Variants in NCOA5 observed in about 807,000 individuals in gnomAD.
NCOA5 encodes the protein nuclear receptor coactivator 5.
NCOA5 carries 12 observed loss-of-function variants against 59.0 expected under a neutral mutation model. That is an observed-to-expected ratio of 0.20 (90% CI 0.13 to 0.33). NCOA5 has a LOEUF of 0.33. Among genes scored for constraint, NCOA5 ranks in the 10% least tolerant of loss-of-function variants. The pLI is 1.00. For missense variants in NCOA5, 655 were observed against 766.6 expected, an observed-to-expected ratio of 0.85 and a Z score of 1.72; for synonymous variants, 270 against 275.5, an observed-to-expected ratio of 0.98 and a Z score of 0.20.
At chr20:46,064,950 C>T in intron 6 of NCOA5, 79 bp downstream of exon 6, 2 of 1,490,226 alleles carry the variant, frequency 1.3e-6, no homozygotes, top group South Asian at 1.1e-5. Context: ...AGTCATTTGC[C>T]CAAAACCTGC....
At chr20:46,084,014 A>C (rs2085020592) in intron 1 of NCOA5, among the ~76,000 whole-genome samples, 1 of 152,196 alleles carries the variant, frequency 6.6e-6, no homozygotes, top group Admixed American at 6.5e-5. Context: ...TAAAATAATT[A>C]TTACATCTTT....
At position 46,062,455 on chromosome 20, in the gene NCOA5, A is replaced by C. The variant is rs2084776824; in HGVS notation, c.1585T>G (p.Ser529Ala). ...TTGTCAAAGTTGATACCTGTGGAAG[A>C]CACAGGCCTCTGGCTAGTCATGTTG... is the stretch of plus-strand genomic sequence containing the variant. Reference protein sequence around the residue: ...ASNMTSQRPVSSTGINFDNPS... With the variant: ...ASNMTSQRPVASTGINFDNPS... The change falls in exon 8 of 8, where the codon TCT (serine) becomes GCT (alanine). Residue 529 changes from serine to alanine, a missense_variant. Around this residue, in one of 3 missense-constraint regions of NCOA5, gnomAD observed 325 missense variants for 353.2 expected, o/e 0.92. Coordinates refer to ENST00000290231, the MANE Select transcript of NCOA5 (RefSeq NM_020967.3). 2 of 1,613,984 alleles carry C rather than the reference A, an allele frequency of 1.2e-6. No homozygotes were observed. Among genetic ancestry groups the C allele is most frequent in the Admixed American group, 3.3e-5 (2 of 59,996 alleles).
At chr20:46,079,503 G>A (rs957074120) in intron 1 of NCOA5, 50 bp from the exon 2 acceptor site, 11 of 1,404,786 alleles carry the variant, frequency 7.8e-6, no homozygotes, top group Admixed American at 1.7e-5. Context: ...ATAAAAACAA[G>A]ATCATCAGCA....
chr20:46,071,356 T>C (rs548733055), intron 2 of NCOA5, among the ~76,000 whole-genome samples: 16 of 152,318 alleles, frequency 1.1e-4, no homozygotes, highest in African/African-American at 3.8e-4. Flanking sequence ...TCTTTCCACT[T>C]ATCAAGTTTT....
rs768053043 is a variant in NCOA5 at position 46,062,628 on chromosome 20, C to T, written c.1412G>A (p.Ser471Asn). 1.9e-6 allele frequency: 3 copies of T among 1,614,102 alleles called. No homozygotes were observed. Among genetic ancestry groups the T allele is most frequent in the African/African-American group, 2.7e-5 (2 of 74,928 alleles). The change falls in exon 8 of 8, where the codon AGC becomes AAC. Residue 471 changes from serine (S) to asparagine (N), a missense_variant. Physicochemically the swap from Ser to Asn is conservative, Grantham distance 46 (BLOSUM62 1). This residue lies in a region of NCOA5 where 325 missense variants were observed against 353.2 expected (regional missense o/e 0.92). Coordinates refer to ENST00000290231, the MANE Select transcript of NCOA5 (RefSeq NM_020967.3). ...PNQNFSTAANSQPQQRSQASG... is the reference protein window; with the variant it reads ...PNQNFSTAANNQPQQRSQASG... Reference sequence around the variant, plus strand: ...AGCCTGTGATCTTTGTTGAGGCTGGCTGTTTGCTGCTGTGGAAAAATTCTG... The same window carrying T: ...AGCCTGTGATCTTTGTTGAGGCTGGTTGTTTGCTGCTGTGGAAAAATTCTG...
intron 2 of NCOA5, among the ~76,000 whole-genome samples, chr20:46,074,707 G>A (rs2084918416): frequency 6.6e-6 from 1 of 152,176 alleles, no homozygotes; most frequent in South Asian, 2.1e-4. Context: ...CTCTTCCTGA[G>A]GACTAAAGGG....
chr20:46,070,992 T>G (rs1408259015), intron 2 of NCOA5, among the ~76,000 whole-genome samples: 1 of 152,032 alleles, frequency 6.6e-6, no homozygotes, highest in African/African-American at 2.4e-5. Context: ...GGCAGGATAA[T>G]AAAATTAAGG....
chr20:46,089,620 G>C (rs557761982), intron 1 of NCOA5, among the ~76,000 whole-genome samples, 197 bp downstream of exon 1: 18 of 151,926 alleles, frequency 1.2e-4, no homozygotes, highest in East Asian at 3.9e-4. Flanking sequence ...CCGGGCCTGG[G>C]CCTGACGGGA....
In NCOA5 at chr20:46,062,026, T is replaced by TTGG; in HGVS notation, c.*273_*274insCCA. On this transcript the variant is annotated 3_prime_UTR_variant, in exon 8 of 8. Transcript: ENST00000290231. The stretch of plus-strand genomic sequence containing the variant: ...AGAAACAGGGACCGGAGAAACCCCA[T>TTGG]CAAATACAAGCCCAGACACCTGTAC... The TTGG allele has an allele frequency of 3.6e-6, 1 of 278,992 alleles. No individual in the cohort carries two copies. Among genetic ancestry groups the TTGG allele is most frequent in the Non-Finnish European group, 6.8e-6 (1 of 148,104 alleles). The allele number at this position is 278,992 out of a possible 1,614,324, so 17.3% of individuals were successfully genotyped here. A position where few individuals can be genotyped will look rare whatever the true frequency, so the allele number is the denominator to read the frequency against.
intron 6 of NCOA5, 61 bp downstream of exon 6, chr20:46,064,968 G>A (rs1221331810): frequency 6.4e-7 from 1 of 1,565,302 alleles, no homozygotes; most frequent in Non-Finnish European, 8.8e-7. Flanking sequence ...TGCTTCTTCT[G>A]AGTAAGGCAT....
chr20:46,070,607 A>G, intron 2 of NCOA5, 71 bp from the exon 3 acceptor site: 1 of 1,427,724 alleles, frequency 7.0e-7, no homozygotes, highest in African/African-American at 1.4e-5. Context: ...TCTTCATATG[A>G]GAAAACCCCC....
chr20:46,066,811 T>C (rs1353144107), intron 5 of NCOA5, among the ~76,000 whole-genome samples: 1 of 152,222 alleles, frequency 6.6e-6, no homozygotes, highest in Non-Finnish European at 1.5e-5. Flanking sequence ...TTTGATGACA[T>C]GGTTTGATCC....
At position 46,061,893 on chromosome 20, in the gene NCOA5, T is replaced by A. The variant is rs752755102; in HGVS notation, c.*407A>T. ...AGGAGCTTGAGCTCTGGTCAATGTGTATGAAGCTGGAAAGCCTTGGTAGGT... is the reference window on the plus strand; with the variant it reads ...AGGAGCTTGAGCTCTGGTCAATGTGAATGAAGCTGGAAAGCCTTGGTAGGT... On this transcript the variant is annotated 3_prime_UTR_variant, in exon 8 of 8. Transcript: ENST00000290231. 1 of 163,462 alleles carries A rather than the reference T, an allele frequency of 6.1e-6. No homozygotes were observed. The highest frequency in any genetic ancestry group is 1.6e-4 in the South Asian group (1 of 6,184). 10.1% of individuals were successfully genotyped at this position (163,462 alleles called of 1,614,324 possible). A position where few individuals can be genotyped will look rare whatever the true frequency, so the allele number is the denominator to read the frequency against.
rs2084758471 is a variant in NCOA5 at position 46,061,286 on chromosome 20, G to A, written c.*1014C>T. 6.6e-6 allele frequency: 1 copy of A among 152,648 alleles called. No individual in the cohort carries two copies. 9.5% of individuals were successfully genotyped at this position (152,648 alleles called of 1,614,324 possible). ...GGGGCTCCATTTAGAACCACAGCCA[G>A]AAACCCTCCTTCTAACAATTTCACT... On this transcript the variant is annotated 3_prime_UTR_variant, in exon 8 of 8. Coordinates refer to ENST00000290231, the MANE Select transcript of NCOA5 (RefSeq NM_020967.3).
chr20:46,063,244 G>T, intron 7 of NCOA5, 116 bp downstream of exon 7: 2 of 1,031,396 alleles, frequency 1.9e-6, no homozygotes, highest in Non-Finnish European at 1.4e-6. Context: ...CCAAGGGATG[G>T]ACTTAGTTCC....
At chr20:46,063,118 C>T (rs1455041793) in intron 7 of NCOA5, among the ~76,000 whole-genome samples, 1 of 152,180 alleles carries the variant, frequency 6.6e-6, no homozygotes, top group Non-Finnish European at 1.5e-5. Context: ...ATCCTGGCTA[C>T]CACGGAGCCA....
chr20:46,080,528 T>TA (rs1166604646), intron 1 of NCOA5, among the ~76,000 whole-genome samples: 2 of 152,164 alleles, frequency 1.3e-5, no homozygotes, highest in Non-Finnish European at 2.9e-5. Flanking sequence ...TTATGTATTT[T>TA]AAAAATCCCA....
intron 1 of NCOA5, among the ~76,000 whole-genome samples, chr20:46,083,667 G>A (rs2085016100): frequency 6.6e-6 from 1 of 152,132 alleles, no homozygotes; most frequent in Non-Finnish European, 1.5e-5. Context: ...CTCTCTAAAA[G>A]GCTTAGTTGA....
rs150983359 is a variant in NCOA5, at chr20:46,077,688, G to A, written c.38+1699C>T. On this transcript the variant is annotated intron_variant, in intron 2 of 7. Transcript: ENST00000290231. ...TGGTAAGTCACCAGGAAACACACAC[G>A]TTAGCGCTCTTTGGAAATTGGATAC... Among the ~76,000 whole-genome samples the A allele has an allele frequency of 1.1e-3, 168 of 152,238 alleles. 3 individuals carry two copies. The highest frequency in any genetic ancestry group is 0.01 in the Admixed American group (154 of 15,294).
Sources: gnomAD v4.1 joint callset for allele counts (sites outside exome capture counted in the v4.1 genomes callset) on GRCh38, gnomAD v4.1.1 for gene constraint, gnomAD v4.1.1 regional missense constraint, MANE v1.5 for transcripts, NCBI Gene and HGNC (gene_info 2026-07-23, HGNC 2026-07-21) for gene names.